ATG5: variants seen among roughly 807,000 people sequenced by gnomAD.
The protein encoded by ATG5 is autophagy protein 5.
A neutral mutation model predicts 36.5 loss-of-function variants in ATG5; 14 were observed. The observed-to-expected ratio is 0.38, with a 90% CI of 0.25 to 0.60. The LOEUF (loss-of-function observed/expected upper bound fraction) is 0.60. Ranked by LOEUF, ATG5 falls within the 20% of genes least tolerant of loss-of-function variation. The pLI is 0.60. For missense variants in ATG5, 195 were observed against 326.7 expected (o/e 0.60, Z 3.11); for synonymous variants, 95 against 101.5 (o/e 0.94, Z 0.38).
chr6:106,214,635 T>C (rs1776972887), intron 6 of ATG5, among the ~76,000 whole-genome samples: 1 of 152,202 alleles, frequency 6.6e-6, no homozygotes, highest in African/African-American at 2.4e-5. Flanking sequence ...CTTATTATAA[T>C]TCTGTCTAGA....
chr6:106,195,628 G>C (rs1375410676), intron 7 of ATG5, among the ~76,000 whole-genome samples: 3 of 152,006 alleles, frequency 2.0e-5, no homozygotes, highest in Non-Finnish European at 4.4e-5. Context: ...TACCTGAAAA[G>C]AATAGGCATT....
intron 5 of ATG5, among the ~76,000 whole-genome samples, chr6:106,259,089 A>G (rs549690171): frequency 6.6e-6 from 1 of 152,308 alleles, no homozygotes; most frequent in East Asian, 1.9e-4. Context: ...TCTTAGTTCA[A>G]CTTTTAGCTA....
intron 3 of ATG5, among the ~76,000 whole-genome samples, chr6:106,295,424 C>G (rs190379283): frequency 8.5e-5 from 13 of 152,214 alleles, no homozygotes; most frequent in African/African-American, 2.9e-4. Context: ...AAGATTCACT[C>G]GAGATCACAT....
At chr6:106,324,109 C>T (rs983085750) in intron 1 of ATG5, among the ~76,000 whole-genome samples, 1 of 152,156 alleles carries the variant, frequency 6.6e-6, no homozygotes, top group Non-Finnish European at 1.5e-5. Context: ...CTTTCCGCCA[C>T]TTGACGTACA....
Position 106,186,491 on chromosome 6 carries a change from T to C in ATG5, c.*49A>G, listed in dbSNP as rs1775772893. The stretch of plus-strand genomic sequence containing the variant: ...ATTGAAGCAAAAGGGTGACATGCTC[T>C]GATAAATCCCATTTAAGGATGATTC... On this transcript the variant is annotated 3_prime_UTR_variant, in exon 8 of 8. Coordinates refer to ENST00000369076, the MANE Select transcript of ATG5 (RefSeq NM_004849.4). 6.2e-7 allele frequency: 1 copy of C among 1,600,930 alleles called. No homozygotes were observed. The highest frequency in any genetic ancestry group is 8.5e-7 in the Non-Finnish European group (1 of 1,169,596).
intron 5 of ATG5, among the ~76,000 whole-genome samples, chr6:106,267,098 C>T (rs1209324650): frequency 2.0e-5 from 3 of 152,148 alleles, no homozygotes; most frequent in Non-Finnish European, 2.9e-5. Flanking sequence ...AAAACCCCAT[C>T]GTCTCAGCCC....
intron 6 of ATG5, among the ~76,000 whole-genome samples, chr6:106,243,012 C>CAA (rs576849955): frequency 5.3e-5 from 8 of 152,148 alleles, no homozygotes; most frequent in Non-Finnish European, 5.9e-5. Flanking sequence ...GGAAACAAAA[C>CAA]AGAGTCTAAA....
chr6:106,228,399 C>T (rs1289137175), intron 6 of ATG5, among the ~76,000 whole-genome samples: 4 of 152,144 alleles, frequency 2.6e-5, no homozygotes, highest in Admixed American at 1.3e-4. Flanking sequence ...ATTGTTCCTA[C>T]GCGGCTAAGT....
intron 6 of ATG5, among the ~76,000 whole-genome samples, chr6:106,207,027 A>C (rs761248307): frequency 1.3e-5 from 2 of 152,244 alleles, no homozygotes; most frequent in Non-Finnish European, 2.9e-5. Context: ...ACAATACCTG[A>C]TCTTGCCACA....
At chr6:106,275,535 A>G (rs1456724436) in intron 5 of ATG5, among the ~76,000 whole-genome samples, 1 of 152,258 alleles carries the variant, frequency 6.6e-6, no homozygotes, top group East Asian at 1.9e-4. Flanking sequence ...GGAATAAAGT[A>G]TATTTTAACC....
chr6:106,262,739 C>T (rs1254648214), intron 5 of ATG5, among the ~76,000 whole-genome samples: 3 of 152,136 alleles, frequency 2.0e-5, no homozygotes, highest in Admixed American at 2.0e-4. Flanking sequence ...ATTCCTTCAC[C>T]CAGGATGTGC....
chr6:106,323,072 C>A (rs547613823), intron 1 of ATG5, among the ~76,000 whole-genome samples: 37 of 151,926 alleles, frequency 2.4e-4, no homozygotes, highest in Admixed American at 2.3e-3. Context: ...GCGCTTGCCA[C>A]CAGGCTCGGG....
intron 6 of ATG5, among the ~76,000 whole-genome samples, chr6:106,241,308 A>T (rs966500417): frequency 2.0e-5 from 3 of 152,242 alleles, no homozygotes; most frequent in African/African-American, 7.2e-5. Context: ...TACATCCCAC[A>T]TGCATTAGGA....
At chr6:106,247,269 A>C (rs1778376078) in intron 6 of ATG5, among the ~76,000 whole-genome samples, 1 of 152,182 alleles carries the variant, frequency 6.6e-6, no homozygotes, top group Admixed American at 6.5e-5. Flanking sequence ...CTTGTTCTTA[A>C]ATGCTTTTCT....
At chr6:106,266,266 G>A (rs953047361) in intron 5 of ATG5, among the ~76,000 whole-genome samples, 3 of 152,054 alleles carry the variant, frequency 2.0e-5, no homozygotes, top group African/African-American at 7.2e-5. Flanking sequence ...ATAAATTATT[G>A]GACACATACA....
rs2114546252 is a variant in ATG5, at chr6:106,259,384, T to A, written c.479-11140A>T. 2.0e-5 allele frequency among the ~76,000 whole-genome samples: 3 copies of A among 152,338 alleles called. No homozygotes were observed. In the South Asian group the frequency reaches 6.2e-4, roughly 32 times the overall value. On this transcript the variant is annotated intron_variant, in intron 5 of 7. Coordinates refer to ENST00000369076, the MANE Select transcript of ATG5 (RefSeq NM_004849.4). ...CCTAACAGTAAAAATAAGAATAAAG[T>A]TATTAAAATTTGAAATTATCCTCCC...
chr6:106,315,484 A>G (rs529259474), intron 2 of ATG5, among the ~76,000 whole-genome samples: 1 of 152,302 alleles, frequency 6.6e-6, no homozygotes, highest in Non-Finnish European at 1.5e-5. Context: ...GACATTTGAA[A>G]AGTGTTTGTA....
intron 6 of ATG5, among the ~76,000 whole-genome samples, chr6:106,234,848 T>C (rs1777830595): frequency 6.6e-6 from 1 of 152,182 alleles, no homozygotes; most frequent in Non-Finnish European, 1.5e-5. Context: ...ATGGAATGGG[T>C]TGCCGACTCC....
intron 6 of ATG5, among the ~76,000 whole-genome samples, chr6:106,225,876 C>T (rs1205180598): frequency 6.6e-6 from 1 of 152,102 alleles, no homozygotes; most frequent in Non-Finnish European, 1.5e-5. Flanking sequence ...ATGGGACAAA[C>T]AAGCTAACCA....
Sources: allele counts gnomAD v4.1 joint callset (sites outside exome capture counted in the v4.1 genomes callset), GRCh38; gene constraint gnomAD v4.1.1; transcripts MANE v1.5; gene names NCBI Gene and HGNC (gene_info 2026-07-23, HGNC 2026-07-21).